The following FANCA variants were observed in gnomAD, a reference collection of about 807,000 sequenced individuals.
The protein encoded by FANCA is Fanconi anemia group A protein.
In FANCA, 236 loss-of-function variants were observed where a neutral mutation model predicts 194.3. The observed-to-expected ratio is 1.21, with a 90% CI of 1.09 to 1.35. The LOEUF is 1.35. FANCA is among the 40% of genes most tolerant of loss of function. FANCA has a pLI of 0.00. For missense variants in FANCA, 2,628 were observed against 1,813.9 expected (o/e 1.45, Z -8.15); for synonymous variants, 1,014 against 715.8 (o/e 1.42, Z -6.65).
rs754642453 is a variant in FANCA at position 89,815,956 on chromosome 16, G to A, written c.110C>T (p.Pro37Leu). The A allele has an allele frequency of 1.9e-6, 3 of 1,614,100 alleles. No homozygotes were observed. Among genetic ancestry groups the A allele is most frequent in the South Asian group, 2.2e-5 (2 of 91,086 alleles). Residue 37 changes from proline to leucine, a missense_variant, in exon 2 of 43, where the codon CCT becomes CTT. Pro to Leu is a moderately conservative substitution (Grantham distance 98, BLOSUM62 -3). Transcript: ENST00000389301. ...AGRVKREKYN[P>L]ERAQKLKESA... is the part of the protein sequence containing the mutation. ...TTCCTTTAATTTCTGTGCCCTTTCA[G>A]GATTATATTTTTCCCTCTTGACCCT...
At position 89,810,731 on chromosome 16, in the gene FANCA, G is replaced by A. The variant is rs757941026; in HGVS notation, c.498C>T (p.Phe166=). The A allele has an allele frequency of 5.2e-5, 84 of 1,611,014 alleles. No homozygotes were observed. Among genetic ancestry groups the A allele is most frequent in the Non-Finnish European group, 6.6e-5 (78 of 1,177,260 alleles). The change falls in exon 5 of 43, where the codon TTC becomes TTT. Residue 166 remains phenylalanine, a synonymous_variant. Transcript: ENST00000389301. Reference sequence around the variant, plus strand: ...CCTGTATTTTCCATAATTCTTGACAGAAGGAAAGACGGGAGAACATACTGT... The same window carrying A: ...CCTGTATTTTCCATAATTCTTGACAAAAGGAAAGACGGGAGAACATACTGT... The part of the protein sequence containing the change: ...LAHSMFSRLS[F]CQELWKIQSS...
intron 13 of FANCA, 37 bp downstream of exon 13, chr16:89,791,890 T>C (rs1325298513): frequency 6.2e-7 from 1 of 1,613,280 alleles, no homozygotes. Flanking sequence ...CTACACACAC[T>C]CTTGACCAGC....
chr16:89,785,692 C>T (rs1185310526), intron 14 of FANCA, among the ~76,000 whole-genome samples: 1 of 152,092 alleles, frequency 6.6e-6, no homozygotes, highest in Admixed American at 6.6e-5. Flanking sequence ...GAACACTGAA[C>T]CGCTTACCTG....
chr16:89,760,304 C>A (rs566197158), intron 29 of FANCA, among the ~76,000 whole-genome samples: 3 of 152,366 alleles, frequency 2.0e-5, no homozygotes, highest in South Asian at 2.1e-4. Context: ...TGTTTTGCCG[C>A]AGGCAGCAGC....
chr16:89,796,476 G>A (rs1204428462), intron 10 of FANCA, among the ~76,000 whole-genome samples: 4 of 152,194 alleles, frequency 2.6e-5, no homozygotes, highest in Non-Finnish European at 5.9e-5. Context: ...AACAGGGACT[G>A]AGGCCAGCTC....
At chr16:89,764,733 C>A (rs554580119) in intron 28 of FANCA, 157 bp downstream of exon 28, 2 of 886,240 alleles carry the variant, frequency 2.3e-6, no homozygotes. Context: ...AGACTCGAGA[C>A]GAGGAGACAG....
chr16:89,751,715 C>G (rs1175375003), intron 31 of FANCA, among the ~76,000 whole-genome samples: 1 of 152,080 alleles, frequency 6.6e-6, no homozygotes, highest in Non-Finnish European at 1.5e-5. Flanking sequence ...AGGTGATCCA[C>G]CAGCCTCGGA....
At chr16:89,770,840 C>T (rs764068840) in intron 23 of FANCA, among the ~76,000 whole-genome samples, 4 of 152,136 alleles carry the variant, frequency 2.6e-5, no homozygotes, top group Non-Finnish European at 5.9e-5. Flanking sequence ...CTCAAGTAAT[C>T]GCCAATCACA....
intron 24 of FANCA, 141 bp downstream of exon 24, chr16:89,770,423 C>T (rs1265213023): frequency 2.0e-6 from 2 of 1,019,854 alleles, no homozygotes; most frequent in African/African-American, 1.6e-5. Flanking sequence ...CCAACTTCTG[C>T]TGCGTCCTAT....
intron 35 of FANCA, among the ~76,000 whole-genome samples, chr16:89,745,908 A>T (rs1477287047): frequency 6.6e-6 from 1 of 152,224 alleles, no homozygotes; most frequent in Non-Finnish European, 1.5e-5. Flanking sequence ...TTCATTTCTC[A>T]CGAATTCCAC....
At chr16:89,776,571 T>C (rs1254550432) in intron 20 of FANCA, among the ~76,000 whole-genome samples, 1 of 151,304 alleles carries the variant, frequency 6.6e-6, no homozygotes, top group Non-Finnish European at 1.5e-5. Context: ...ATCCCGCCTG[T>C]AATCCCAGCA....
chr16:89,791,684 T>C, intron 13 of FANCA, 148 bp from the exon 14 acceptor site: 10 of 1,195,678 alleles, frequency 8.4e-6, no homozygotes, highest in Non-Finnish European at 8.3e-6. Flanking sequence ...AATTACAGCA[T>C]GTCAAGTGCA....
intron 14 of FANCA, among the ~76,000 whole-genome samples, chr16:89,786,138 C>T (rs2039889953): frequency 6.6e-6 from 1 of 150,820 alleles, no homozygotes; most frequent in South Asian, 2.1e-4. Flanking sequence ...CCCACCTCTG[C>T]CTCCCAAGTA....
chr16:89,743,248 G>T (rs1483846057), intron 36 of FANCA, among the ~76,000 whole-genome samples: 2 of 152,186 alleles, frequency 1.3e-5, no homozygotes, highest in Non-Finnish European at 2.9e-5. Flanking sequence ...GGAAGAAGAG[G>T]CCTCATTTTC....
chr16:89,765,538 A>T (rs1252975729), intron 27 of FANCA, among the ~76,000 whole-genome samples: 1 of 152,226 alleles, frequency 6.6e-6, no homozygotes, highest in African/African-American at 2.4e-5. Flanking sequence ...GCAGGAACAA[A>T]ACTGCCTCCC....
Position 89,739,309 on chromosome 16 carries a change from G to A in FANCA, c.4011-20C>T, listed in dbSNP as rs766594215. 5.6e-6 allele frequency: 9 copies of A among 1,614,054 alleles called. No homozygotes were observed. Among genetic ancestry groups the A allele is most frequent in the Non-Finnish European group, 5.9e-6 (7 of 1,180,004 alleles). On this transcript the variant is annotated intron_variant, in intron 40 of 42. Coordinates refer to ENST00000389301, the MANE Select transcript of FANCA (RefSeq NM_000135.4). ...AGAAGACTAGAGGTAAAGACATAGT[G>A]ACAAATGGCTACAGACTGCTGGAAA...
rs144151341 is a variant in FANCA, at chr16:89,814,566, G to A, written c.237C>T (p.Asp79=). Residue 79 remains aspartate (D), a synonymous_variant, in exon 3 of 43, where the codon GAC becomes GAT. Transcript: ENST00000389301. ...CKKLSLSKVI[D]CDSSEAYANH... ...TAGCATAGGCCTCAGAACTGTCACAGTCAATCACTTTGCTGAGAGACAATT... is the reference window on the plus strand; with the variant it reads ...TAGCATAGGCCTCAGAACTGTCACAATCAATCACTTTGCTGAGAGACAATT... The A allele has an allele frequency of 2.3e-4, 367 of 1,613,912 alleles. 1 individual carries two copies. The African/African-American group carries it at 4.5e-3, about 20-fold the overall frequency.
intron 14 of FANCA, among the ~76,000 whole-genome samples, chr16:89,788,017 G>C (rs1202687956): frequency 6.6e-6 from 1 of 151,838 alleles, no homozygotes; most frequent in East Asian, 2.0e-4. Context: ...GGGATTACAG[G>C]CACCTGCCAC....
rs1168739564 is a variant in FANCA, at chr16:89,752,197, T to G, written c.3007A>C (p.Asn1003His). ...QSSRSYDHSENSDLVFGGRTG... is the reference protein window; with the variant it reads ...QSSRSYDHSEHSDLVFGGRTG... ...CGGCCACCAAAGACCAAATCAGAAT[T>G]TTCTGAGTGGTCATAACTCCTTGAG... The change falls in exon 31 of 43, where the codon AAT becomes CAT. Residue 1003 changes from asparagine to histidine, a missense_variant. Coordinates refer to ENST00000389301, the MANE Select transcript of FANCA (RefSeq NM_000135.4). 1 of 1,613,942 alleles carries G rather than the reference T, an allele frequency of 6.2e-7. No individual in the cohort carries two copies. The highest frequency in any genetic ancestry group is 1.3e-5 in the African/African-American group (1 of 74,920).
Sources: gnomAD v4.1 joint callset for allele counts (sites outside exome capture counted in the v4.1 genomes callset) on GRCh38, gnomAD v4.1.1 for gene constraint, MANE v1.5 for transcripts, NCBI Gene and HGNC (gene_info 2026-07-23, HGNC 2026-07-21) for gene names.